TAFA2: variants seen among roughly 807,000 people sequenced by gnomAD.
TAFA2 encodes the protein TAFA chemokine like family member 2.
Under a neutral mutation model 18.8 loss-of-function variants are expected in TAFA2, and 7 were observed. The observed-to-expected ratio is 0.37, with a 90% CI of 0.21 to 0.70. The LOEUF (loss-of-function observed/expected upper bound fraction) is 0.70. Ranked by LOEUF, TAFA2 falls within the 30% of genes least tolerant of loss-of-function variation. The probability of loss-of-function intolerance (pLI) is 0.53; values close to 1 mark genes in which losing one functional copy is unlikely to be tolerated. For synonymous variants in TAFA2, 60 were observed against 54.2 expected, an observed-to-expected ratio of 1.11 and a Z score of -0.47; for missense variants, 122 against 158.1, an observed-to-expected ratio of 0.77 and a Z score of 1.23.
At chr12:62,072,235 C>A (rs1043817117) in intron 1 of TAFA2, among the ~76,000 whole-genome samples, 2 of 151,056 alleles carry the variant, frequency 1.3e-5, no homozygotes, top group African/African-American at 4.9e-5. Context: ...AAGGCCGAGG[C>A]GGGCGGATCA....
intron 1 of TAFA2, among the ~76,000 whole-genome samples, chr12:62,119,774 G>A (rs534846260): frequency 1.3e-5 from 2 of 152,202 alleles, no homozygotes; most frequent in African/African-American, 4.8e-5. Context: ...CTGCATCTCT[G>A]TAAAAGCAAA....
chr12:62,247,825 A>AGTG (rs1238828639), intron 1 of TAFA2, among the ~76,000 whole-genome samples: 9 of 106,626 alleles, frequency 8.4e-5, no homozygotes, highest in African/African-American at 2.6e-4. Context: ...TGTTCCCTTT[A>AGTG]TTTTGAGTGT....
chr12:62,239,458 T>C (rs997242646), intron 1 of TAFA2, among the ~76,000 whole-genome samples: 1 of 152,226 alleles, frequency 6.6e-6, no homozygotes, highest in African/African-American at 2.4e-5. Context: ...AGAATGACAG[T>C]GATACTCCTC....
chr12:61,767,219 C>T (rs1869827961), intron 2 of TAFA2, among the ~76,000 whole-genome samples: 1 of 152,078 alleles, frequency 6.6e-6, no homozygotes, highest in Non-Finnish European at 1.5e-5. Flanking sequence ...GATTTTGGTC[C>T]TAACTGGTCA....
At chr12:61,985,928 T>G (rs1481452694) in intron 1 of TAFA2, among the ~76,000 whole-genome samples, 3 of 152,160 alleles carry the variant, frequency 2.0e-5, no homozygotes, top group Non-Finnish European at 4.4e-5. Flanking sequence ...GCATTGGTAA[T>G]CATAGCTCTG....
intron 2 of TAFA2, among the ~76,000 whole-genome samples, chr12:61,852,391 G>C (rs1873711830): frequency 6.6e-6 from 1 of 152,168 alleles, no homozygotes. Context: ...AACAGAGCGA[G>C]TGAGCTGTGG....
intron 1 of TAFA2, among the ~76,000 whole-genome samples, chr12:61,928,438 G>T (rs2121386753): frequency 6.6e-6 from 1 of 152,306 alleles, no homozygotes; most frequent in Middle Eastern, 3.4e-3. Context: ...GTGGTCATTA[G>T]AGAAATCCAA....
intron 1 of TAFA2, among the ~76,000 whole-genome samples, chr12:62,059,570 A>G (rs909195987): frequency 6.6e-6 from 1 of 152,106 alleles, no homozygotes; most frequent in African/African-American, 2.4e-5. Context: ...TTTATAATAC[A>G]TGGTCAGGAA....
Position 61,867,571 on chromosome 12 carries a change from C to T in TAFA2, c.-1-145G>A, listed in dbSNP as rs149275128. On this transcript the variant is annotated intron_variant, in intron 1 of 4. Coordinates refer to ENST00000416284, the MANE Select transcript of TAFA2 (RefSeq NM_178539.5). Reference sequence around the variant, plus strand: ...TTTCTTGTATTTAAAATGCTGTTCACTGTATACAAACGATGATCAGAGAAA... The same window carrying T: ...TTTCTTGTATTTAAAATGCTGTTCATTGTATACAAACGATGATCAGAGAAA... The T allele has an allele frequency of 2.1e-3, 1,230 of 586,784 alleles. 22 individuals carry two copies. In the East Asian group the frequency reaches 0.032, roughly 15 times the overall value. The allele number at this position is 586,784 out of a possible 1,614,324, so 36.3% of individuals were successfully genotyped here.
intron 2 of TAFA2, among the ~76,000 whole-genome samples, chr12:61,836,732 G>GAGATATAT (rs1555169247): frequency 8.9e-6 from 1 of 112,788 alleles, no homozygotes; most frequent in East Asian, 2.8e-4. Context: ...TTGCCAATTT[G>GAGATATAT]ATATATATAT....
chr12:62,048,505 T>C (rs1881967528), intron 1 of TAFA2, among the ~76,000 whole-genome samples: 1 of 152,168 alleles, frequency 6.6e-6, no homozygotes, highest in African/African-American at 2.4e-5. Flanking sequence ...CCTAACCATA[T>C]CAATACTCAT....
chr12:62,072,609 C>A, intron 1 of TAFA2, among the ~76,000 whole-genome samples: 1 of 151,882 alleles, frequency 6.6e-6, no homozygotes, highest in East Asian at 1.9e-4. Context: ...GGCAAAATCC[C>A]ATCTCTACAA....
chr12:62,227,343 A>G (rs2062791312), intron 1 of TAFA2, among the ~76,000 whole-genome samples: 1 of 152,206 alleles, frequency 6.6e-6, no homozygotes. Flanking sequence ...CCTACTGTGT[A>G]CAGTTACATA....
At chr12:62,022,600 C>A (rs745342929) in intron 1 of TAFA2, among the ~76,000 whole-genome samples, 1 of 152,180 alleles carries the variant, frequency 6.6e-6, no homozygotes, top group Non-Finnish European at 1.5e-5. Context: ...TCTGAGCAAG[C>A]AATTCTTGTC....
intron 1 of TAFA2, among the ~76,000 whole-genome samples, chr12:62,219,888 G>A (rs1190759321): frequency 6.6e-6 from 1 of 152,174 alleles, no homozygotes; most frequent in Non-Finnish European, 1.5e-5. Flanking sequence ...AAGCTAAGCT[G>A]TAGATATGAA....
chr12:62,210,189 A>C (rs1156827437), intron 1 of TAFA2, among the ~76,000 whole-genome samples: 1 of 138,830 alleles, frequency 7.2e-6, no homozygotes, highest in Non-Finnish European at 1.5e-5. Context: ...CTGTCTCTAA[A>C]TAAATAAATA....
At chr12:61,757,067 G>A (rs1466182866) in intron 2 of TAFA2, among the ~76,000 whole-genome samples, 1 of 151,976 alleles carries the variant, frequency 6.6e-6, no homozygotes, top group East Asian at 1.9e-4. Flanking sequence ...GGAAATCTTT[G>A]GGTAGAAATA....
intron 1 of TAFA2, among the ~76,000 whole-genome samples, chr12:62,173,609 A>G (rs1005661055): frequency 6.6e-5 from 10 of 152,186 alleles, no homozygotes; most frequent in Admixed American, 6.5e-4. Context: ...TTTATTTAAC[A>G]TTTATTAAGT....
chr12:61,984,438 T>C (rs958302056), intron 1 of TAFA2, among the ~76,000 whole-genome samples: 1 of 152,218 alleles, frequency 6.6e-6, no homozygotes, highest in African/African-American at 2.4e-5. Context: ...GCTTGATTAT[T>C]TAGCAACAGC....
Sources: allele counts gnomAD v4.1 joint callset (sites outside exome capture counted in the v4.1 genomes callset), GRCh38; gene constraint gnomAD v4.1.1; transcripts MANE v1.5; gene names NCBI Gene and HGNC (gene_info 2026-07-23, HGNC 2026-07-21).